The following NTRK3 variants were observed in gnomAD, a reference collection of about 807,000 sequenced individuals.
The protein encoded by NTRK3 is NT-3 growth factor receptor.
A neutral mutation model predicts 91.7 loss-of-function variants in NTRK3; 24 were observed. That is an observed-to-expected ratio of 0.26 (90% CI 0.19 to 0.37). NTRK3 has a LOEUF of 0.37. Ranked by LOEUF, NTRK3 falls within the 10% of genes least tolerant of loss-of-function variation. The pLI is 1.00. For missense variants in NTRK3, 880 were observed against 1,068.9 expected (o/e 0.82, Z 2.46); for synonymous variants, 483 against 404.0 (o/e 1.20, Z -2.34).
chr15:88,029,510 A>T (rs949860452), intron 14 of NTRK3, among the ~76,000 whole-genome samples: 2 of 152,236 alleles, frequency 1.3e-5, no homozygotes, highest in Admixed American at 6.5e-5. Context: ...TTTGTGCTTA[A>T]TCCATCACTG....
intron 14 of NTRK3, among the ~76,000 whole-genome samples, chr15:87,949,094 A>G (rs1432661913): frequency 1.3e-5 from 2 of 152,070 alleles, no homozygotes; most frequent in Non-Finnish European, 2.9e-5. Context: ...AATAAATTAA[A>G]ACTCCCCCTG....
At chr15:88,147,288 C>A (rs749573202) in intron 6 of NTRK3, 47 bp downstream of exon 6, 27 of 1,542,798 alleles carry the variant, frequency 1.8e-5, no homozygotes, top group Non-Finnish European at 2.4e-5. Context: ...CCCATCCACC[C>A]ATTACCAGCA....
At chr15:88,072,401 G>C (rs189695207) in intron 13 of NTRK3, 16 of 215,226 alleles carry the variant, frequency 7.4e-5, no homozygotes, top group Middle Eastern at 1.5e-3. Context: ...GGTTTTCTTT[G>C]AATCAATTAC....
At chr15:87,901,983 G>A (rs944495378) in intron 17 of NTRK3, among the ~76,000 whole-genome samples, 1 of 152,162 alleles carries the variant, frequency 6.6e-6, no homozygotes, top group Non-Finnish European at 1.5e-5. Flanking sequence ...CATGTAAATT[G>A]ATAGGTTAGG....
chr15:87,912,591 T>C (rs1351055874), intron 17 of NTRK3, among the ~76,000 whole-genome samples: 1 of 151,990 alleles, frequency 6.6e-6, no homozygotes, highest in Non-Finnish European at 1.5e-5. Context: ...ACTCTACCAC[T>C]AACTAGGTGT....
At chr15:88,106,439 A>T (rs1279146744) in intron 13 of NTRK3, among the ~76,000 whole-genome samples, 1 of 152,244 alleles carries the variant, frequency 6.6e-6, no homozygotes, top group African/African-American at 2.4e-5. Context: ...TAACCAAGTG[A>T]AATGGTATAA....
In NTRK3 at chr15:87,886,531, A is replaced by G. The variant is rs111579249; in HGVS notation, c.2134-6103T>C. Among the ~76,000 whole-genome samples the G allele has an allele frequency of 6.9e-3, 1,045 of 151,140 alleles. 15 individuals carry two copies. Among genetic ancestry groups the G allele is most frequent in the Middle Eastern group, 0.021 (6 of 292 alleles). The stretch of plus-strand genomic sequence containing the variant: ...TATTGTAGTATTCTTATTCATGTAA[A>G]AATGTATATGTGGATACAGATGCAA... On this transcript the variant is annotated intron_variant, in intron 17 of 18. Coordinates refer to ENST00000394480, the Ensembl canonical transcript of NTRK3.
intron 5 of NTRK3, among the ~76,000 whole-genome samples, chr15:88,175,373 C>G (rs1421166983): frequency 1.4e-5 from 2 of 141,888 alleles, no homozygotes; most frequent in Non-Finnish European, 3.1e-5. Flanking sequence ...AGGATAGACA[C>G]AGAGAGATAG....
intron 14 of NTRK3, among the ~76,000 whole-genome samples, chr15:87,943,056 G>C (rs190087634): frequency 6.6e-6 from 1 of 151,836 alleles, no homozygotes; most frequent in South Asian, 2.1e-4. Context: ...TTGAGAATGC[G>C]TCAAAATCAC....
At chr15:88,150,147 G>A (rs2043241643) in intron 5 of NTRK3, among the ~76,000 whole-genome samples, 1 of 152,170 alleles carries the variant, frequency 6.6e-6, no homozygotes, top group African/African-American at 2.4e-5. Flanking sequence ...ACATGCCCCT[G>A]GTAAGGTACA....
At chr15:87,960,815 C>T (rs2072201668) in intron 14 of NTRK3, among the ~76,000 whole-genome samples, 1 of 152,110 alleles carries the variant, frequency 6.6e-6, no homozygotes, top group Non-Finnish European at 1.5e-5. Flanking sequence ...ATTTCCTTGA[C>T]CCGTCCTCCC....
intron 13 of NTRK3, among the ~76,000 whole-genome samples, chr15:88,076,822 GT>G (rs2047590065): frequency 6.6e-6 from 1 of 152,160 alleles, no homozygotes; most frequent in Non-Finnish European, 1.5e-5. Context: ...GCTGGGTGCA[GT>G]GGCTCATGCC....
exon 19 of NTRK3, chr15:87,872,461 G>A (rs947866307): frequency 3.5e-5 from 8 of 226,562 alleles, no homozygotes; most frequent in Admixed American, 1.1e-4. Context: ...AAATCTTGTC[G>A]GTTTTGACCC....
In NTRK3 at chr15:87,928,605, C is replaced by G. The variant is rs144655206; in HGVS notation, c.2133+586G>C. On this transcript the variant is annotated intron_variant, in intron 17 of 18. Coordinates refer to ENST00000394480, the Ensembl canonical transcript of NTRK3. ...TCTAAGATCTAACCTGTCCTCTCTC[C>G]AAAGTTGGCAACAGATAACATGCTT... 760 of 163,344 alleles carry G rather than the reference C, an allele frequency of 4.7e-3. 27 individuals carry two copies. The South Asian group carries it at 0.082, about 18-fold the overall frequency. 10.1% of individuals were successfully genotyped at this position (163,344 alleles called of 1,614,324 possible).
At chr15:88,040,867 C>T (rs2079541769) in intron 13 of NTRK3, among the ~76,000 whole-genome samples, 1 of 152,214 alleles carries the variant, frequency 6.6e-6, no homozygotes, top group African/African-American at 2.4e-5. Context: ...CTTCTCATCT[C>T]ATTTGATCCT....
In NTRK3 at chr15:87,874,765, GC is replaced by G. The variant is rs138231271; in HGVS notation, c.*2169del. ...ATCAAAGCCAGATTGTGCAGCTTCA[GC>G]CAGAACTCACAGCCCCGGCATAACG... On this transcript the variant is annotated 3_prime_UTR_variant, in exon 19 of 19. Transcript: ENST00000394480. 2,005 of 232,302 alleles carry G rather than the reference GC, an allele frequency of 8.6e-3. 32 individuals carry two copies. Among genetic ancestry groups the G allele is most frequent in the African/African-American group, 0.042 (1,889 of 45,372 alleles). The allele number at this position is 232,302 out of a possible 1,614,324, so 14.4% of individuals were successfully genotyped here.
intron 17 of NTRK3, among the ~76,000 whole-genome samples, chr15:87,911,246 T>C (rs1308012946): frequency 6.6e-6 from 1 of 152,186 alleles, no homozygotes; most frequent in Non-Finnish European, 1.5e-5. Context: ...GGCTTAATAT[T>C]TGATAGCATC....
Position 88,160,182 on chromosome 15 carries a change from G to C in NTRK3, c.396-12779C>G, listed in dbSNP as rs118056098. Among the ~76,000 whole-genome samples the C allele has an allele frequency of 8.3e-4, 126 of 152,316 alleles. 1 individual carries two copies. The East Asian group carries it at 0.024, about 29-fold the overall frequency. On this transcript the variant is annotated intron_variant, in intron 5 of 18. Transcript: ENST00000394480. Reference sequence around the variant, plus strand: ...CCCAAAGCTGGAGCTGGGGAACCCAGAGGAAGGAGGGGCGCCCCAGCCATG... The same window carrying C: ...CCCAAAGCTGGAGCTGGGGAACCCACAGGAAGGAGGGGCGCCCCAGCCATG...
intron 13 of NTRK3, among the ~76,000 whole-genome samples, chr15:88,082,139 G>T (rs549651886): frequency 1.3e-5 from 2 of 152,060 alleles, no homozygotes; most frequent in Non-Finnish European, 2.9e-5. Flanking sequence ...TTAGCCAGGC[G>T]TGGTGGCGCA....
Sources: allele counts gnomAD v4.1 joint callset (sites outside exome capture counted in the v4.1 genomes callset), GRCh38; gene constraint gnomAD v4.1.1; transcripts MANE v1.5; gene names NCBI Gene and HGNC (gene_info 2026-07-23, HGNC 2026-07-21).